POLH: variants seen among roughly 807,000 people sequenced by gnomAD.
POLH encodes the protein DNA polymerase eta transcript.
In POLH, 53 loss-of-function variants were observed where a neutral mutation model predicts 73.6. That is an observed-to-expected ratio of 0.72 (90% CI 0.58 to 0.91). The LOEUF (loss-of-function observed/expected upper bound fraction) is 0.91. Ranked by LOEUF, POLH falls within the 40% of genes least tolerant of loss-of-function variation. POLH has a pLI of 0.00. For missense variants in POLH, 768 were observed against 865.4 expected (o/e 0.89, Z 1.41); for synonymous variants, 292 against 308.5 (o/e 0.95, Z 0.56).
intron 4 of POLH, among the ~76,000 whole-genome samples, chr6:43,589,283 C>T (rs1765186238): frequency 6.6e-6 from 1 of 152,180 alleles, no homozygotes; most frequent in Admixed American, 6.5e-5. Flanking sequence ...ACCATTTTCC[C>T]TAGTGACAAA....
chr6:43,585,952 T>G (rs570962835), intron 3 of POLH, among the ~76,000 whole-genome samples: 8 of 152,030 alleles, frequency 5.3e-5, no homozygotes, highest in Admixed American at 2.0e-4. Flanking sequence ...TCTTGCTCTT[T>G]ATTTTCTTTG....
intron 6 of POLH, among the ~76,000 whole-genome samples, chr6:43,602,611 A>G (rs1382840294): frequency 3.3e-5 from 5 of 152,184 alleles, no homozygotes; most frequent in Admixed American, 3.3e-4. Context: ...ATGGAAATAG[A>G]CTGAAAAGAT....
chr6:43,597,211 G>C (rs1484331920), intron 4 of POLH, among the ~76,000 whole-genome samples: 1 of 152,114 alleles, frequency 6.6e-6, no homozygotes, highest in Non-Finnish European at 1.5e-5. Context: ...CGCCTCCTGG[G>C]TTCAAGCGAA....
rs1204742688 is a variant in POLH, at chr6:43,614,243, T to G, written c.1828T>G (p.Ser610Ala). 16 of 1,606,586 alleles carry G rather than the reference T, an allele frequency of 1.0e-5. No individual in the cohort carries two copies. The highest frequency in any genetic ancestry group is 1.3e-5 in the Non-Finnish European group (15 of 1,174,878). ...NSQSMHASSA[S>A]KSVLEVTQKA... ...CCAAAGCATGCACGCCTCTTCAGCT[T>G]CCAAATCTGTGCTGGAGGTGACTCA... The change falls in exon 11 of 11, where the codon TCC (serine) becomes GCC (alanine). Residue 610 changes from serine to alanine, a missense_variant. Physicochemically the swap from Ser to Ala is moderately conservative, Grantham distance 99 (BLOSUM62 1). Coordinates refer to ENST00000372236, the MANE Select transcript of POLH (RefSeq NM_006502.3).
chr6:43,579,359 A>G (rs902914786), intron 1 of POLH, among the ~76,000 whole-genome samples: 7 of 152,172 alleles, frequency 4.6e-5, no homozygotes, highest in African/African-American at 1.4e-4. Flanking sequence ...GTATTAGATC[A>G]TATCTTTTTT....
At chr6:43,585,173 A>C (rs1312645120) in intron 3 of POLH, among the ~76,000 whole-genome samples, 1 of 152,026 alleles carries the variant, frequency 6.6e-6, no homozygotes, top group East Asian at 1.9e-4. Context: ...ATGAAGATGA[A>C]GAGATATATA....
chr6:43,600,912 T>C, intron 5 of POLH, 76 bp from the exon 6 acceptor site: 2 of 869,850 alleles, frequency 2.3e-6, no homozygotes, highest in Non-Finnish European at 4.0e-6. Context: ...TGTGTGTGTA[T>C]GTTATGTGTA....
chr6:43,606,402 A>C (rs1259002275), intron 9 of POLH, among the ~76,000 whole-genome samples: 1 of 151,342 alleles, frequency 6.6e-6, no homozygotes, highest in Non-Finnish European at 1.5e-5. Flanking sequence ...TTTTCTTTCT[A>C]ATGTTAAAGA....
rs866022298 is a variant in POLH, at chr6:43,581,708, G to A, written c.-4-608G>A. Reference sequence around the variant, plus strand: ...GGCGGCTGCGGTCGGTCGCGGCAGCGGCTCCGCTTCATATCTGCAGCTGGG... The same window carrying A: ...GGCGGCTGCGGTCGGTCGCGGCAGCAGCTCCGCTTCATATCTGCAGCTGGG... On this transcript the variant is annotated intron_variant, in intron 1 of 10. Coordinates refer to ENST00000372236, the MANE Select transcript of POLH (RefSeq NM_006502.3). Among the ~76,000 whole-genome samples, 219 of 145,938 alleles carry A rather than the reference G, an allele frequency of 1.5e-3. 2 individuals are homozygous for A. The highest frequency in any genetic ancestry group is 4.8e-3 in the African/African-American group (182 of 38,044).
At chr6:43,589,547 C>A (rs1765211458) in intron 4 of POLH, among the ~76,000 whole-genome samples, 1 of 152,002 alleles carries the variant, frequency 6.6e-6, no homozygotes, top group Admixed American at 6.6e-5. Context: ...ATAATCTTTG[C>A]CCATTTTTCC....
rs1334962691 is a variant in POLH, at chr6:43,618,561, A to G, written c.*4004A>G. ...ACAGGGAACCCAACTGAAGAAAATG[A>G]ACTGAAGTAGGTGGCGCTGGGTGAA... is the stretch of plus-strand genomic sequence containing the variant. On this transcript the variant is annotated 3_prime_UTR_variant, in exon 11 of 11. Transcript: ENST00000372236. Among the ~76,000 whole-genome samples, 2 of 152,220 alleles carry G rather than the reference A, an allele frequency of 1.3e-5. No homozygotes were observed. Among genetic ancestry groups the G allele is most frequent in the Non-Finnish European group, 2.9e-5 (2 of 68,034 alleles).
chr6:43,578,429 C>G (rs547977231), intron 1 of POLH: 4 of 445,182 alleles, frequency 9.0e-6, no homozygotes, highest in Middle Eastern at 3.3e-4. Context: ...CCAGGTCATA[C>G]CCATACCAAT....
At chr6:43,601,989 C>T (rs554540543) in intron 6 of POLH, among the ~76,000 whole-genome samples, 1 of 152,116 alleles carries the variant, frequency 6.6e-6, no homozygotes, top group African/African-American at 2.4e-5. Context: ...ACCCAAGAGG[C>T]GGAGGTTGCA....
intron 3 of POLH, 21 bp from the exon 4 acceptor site, chr6:43,587,251 A>C: frequency 6.3e-7 from 1 of 1,592,052 alleles, no homozygotes; most frequent in Non-Finnish European, 8.6e-7. Context: ...TGCCTGCATG[A>C]ATGATCCTTA....
rs1768408211 is a variant in POLH, at chr6:43,617,221, A to T, written c.*2664A>T. ...ACTAGATCATCTCTAGAACATTGCTACTCCCAAGTATGATTTGAGGAACAG... is the reference window on the plus strand; with the variant it reads ...ACTAGATCATCTCTAGAACATTGCTTCTCCCAAGTATGATTTGAGGAACAG... On this transcript the variant is annotated 3_prime_UTR_variant, in exon 11 of 11. Coordinates refer to ENST00000372236, the MANE Select transcript of POLH (RefSeq NM_006502.3). Among the ~76,000 whole-genome samples the T allele has an allele frequency of 6.6e-6, 1 of 152,008 alleles. No individual in the cohort carries two copies. The highest frequency in any genetic ancestry group is 2.4e-5 in the African/African-American group (1 of 41,384).
chr6:43,592,015 G>T (rs1218255301), intron 4 of POLH, among the ~76,000 whole-genome samples: 1 of 151,692 alleles, frequency 6.6e-6, no homozygotes, highest in Non-Finnish European at 1.5e-5. Context: ...TATTAAAAAT[G>T]CCCATGTTTA....
chr6:43,616,936 T>C lies in POLH; in HGVS notation c.*2379T>C, dbSNP rs1280067346. On this transcript the variant is annotated 3_prime_UTR_variant, in exon 11 of 11. Coordinates refer to ENST00000372236, the MANE Select transcript of POLH (RefSeq NM_006502.3). ...CAGGCGTGGTGGTTTATGCCTGTTA[T>C]CCCAGCACTTTGGGAGGCCAAGGCA... Among the ~76,000 whole-genome samples, 1 of 152,266 alleles carries C rather than the reference T, an allele frequency of 6.6e-6. No individual in the cohort carries two copies. The highest frequency in any genetic ancestry group is 2.4e-5 in the African/African-American group (1 of 41,474).
intron 10 of POLH, among the ~76,000 whole-genome samples, chr6:43,613,320 A>ATT (rs1768091452): frequency 6.6e-6 from 1 of 152,184 alleles, no homozygotes; most frequent in Admixed American, 6.6e-5. Flanking sequence ...CCAACCCTGA[A>ATT]TTACAGCAGC....
chr6:43,610,772 C>T, intron 10 of POLH, 49 bp downstream of exon 10: 1 of 1,476,010 alleles, frequency 6.8e-7, no homozygotes, highest in Non-Finnish European at 9.4e-7. Context: ...TGATTCTTAG[C>T]TCTGTCTTAG....
Sources: gnomAD v4.1 joint callset for allele counts (sites outside exome capture counted in the v4.1 genomes callset) on GRCh38, gnomAD v4.1.1 for gene constraint, MANE v1.5 for transcripts, NCBI Gene and HGNC (gene_info 2026-07-23, HGNC 2026-07-21) for gene names.